CUX2: variants seen among roughly 807,000 people sequenced by gnomAD.
CUX2 encodes cut like homeobox 2.
CUX2 carries 40 observed loss-of-function variants against 144.8 expected under a neutral mutation model. The observed-to-expected ratio is 0.28, with a 90% CI of 0.21 to 0.36. CUX2 has a LOEUF of 0.36. CUX2 is among the 10% of genes least tolerant of loss of function. The probability of loss-of-function intolerance (pLI) is 1.00; values close to 1 mark genes in which losing one functional copy is unlikely to be tolerated. For missense variants in CUX2, 1,615 were observed against 1,994.0 expected (o/e 0.81, Z 3.62); for synonymous variants, 827 against 875.6 (o/e 0.94, Z 0.98).
chr12:111,307,091 G>T lies in CUX2; in HGVS notation c.1029G>T (p.Thr343=), dbSNP rs199929446. ...TCGCCGACCTGGAGCGGCAGCTCAC[G>T]GCCAAGTCCGAGGCCATAGAAGTGG... is the stretch of plus-strand genomic sequence containing the variant. ...NQIADLERQL[T]AKSEAIEKLE... is the part of the protein sequence containing the mutation. Residue 343 remains threonine, a synonymous_variant, in exon 11 of 22, where the codon ACG becomes ACT. Transcript: ENST00000261726. This position sits in a 1 kb window ranked among gnomAD's most constrained non-coding sequence, Gnocchi z 4.1. 1 of 1,612,796 alleles carries T rather than the reference G, an allele frequency of 6.2e-7. No individual in the cohort carries two copies. The highest frequency in any genetic ancestry group is 1.7e-5 in the Admixed American group (1 of 59,946).
intron 1 of CUX2, among the ~76,000 whole-genome samples, chr12:111,129,782 A>G (rs1875343611): frequency 6.6e-6 from 1 of 152,184 alleles, no homozygotes; most frequent in South Asian, 2.1e-4. Context: ...CTTTCCCACC[A>G]TAATAGCACT....
intron 15 of CUX2, 116 bp from the exon 16 acceptor site, chr12:111,311,984 C>A: frequency 2.7e-6 from 2 of 738,356 alleles, no homozygotes; most frequent in East Asian, 2.8e-5. Context: ...TGCCATCTCA[C>A]TGATGGTCTG....
chr12:111,241,802 C>T (rs913263963), intron 3 of CUX2, among the ~76,000 whole-genome samples: 1 of 152,392 alleles, frequency 6.6e-6, no homozygotes, highest in African/African-American at 2.4e-5. Flanking sequence ...CTGGGACCAC[C>T]CCTGACAGCG....
At chr12:111,221,822 GGGAGGGGGT>G (rs1881877228) in intron 3 of CUX2, among the ~76,000 whole-genome samples, 1 of 151,984 alleles carries the variant, frequency 6.6e-6, no homozygotes, top group Non-Finnish European at 1.5e-5. Context: ...GCGTGCCGGT[GGGAGGGGGT>G]GGAGAGGAAG....
At chr12:111,185,358 G>T (rs752702059) in intron 1 of CUX2, among the ~76,000 whole-genome samples, 29 of 152,200 alleles carry the variant, frequency 1.9e-4, no homozygotes, top group Non-Finnish European at 3.5e-4. Flanking sequence ...AGCAAGTACT[G>T]GCTCTGTTAT....
At position 111,171,831 on chromosome 12, in the gene CUX2, C is replaced by T. The variant is rs186729179; in HGVS notation, c.64-42369C>T. Among the ~76,000 whole-genome samples the T allele has an allele frequency of 1.8e-4, 27 of 152,336 alleles. No homozygotes were observed. The highest frequency in any genetic ancestry group is 2.6e-4 in the Non-Finnish European group (18 of 68,024). On this transcript the variant is annotated intron_variant, in intron 1 of 21. Coordinates refer to ENST00000261726, the MANE Select transcript of CUX2 (RefSeq NM_015267.4). The surrounding 1 kb of genome is among the most constrained non-coding windows in gnomAD (Gnocchi z 5.0). Reference sequence around the variant, plus strand: ...TGGGAAATTGGCCCTCTGTCTTCTCCCATCCAGATATGTGGGTCCTGGGCC... The same window carrying T: ...TGGGAAATTGGCCCTCTGTCTTCTCTCATCCAGATATGTGGGTCCTGGGCC...
chr12:111,245,484 T>A (rs1019298304), intron 3 of CUX2, among the ~76,000 whole-genome samples: 2 of 151,814 alleles, frequency 1.3e-5, no homozygotes, highest in African/African-American at 4.8e-5. Context: ...AAACCAGACA[T>A]GGTGGCACAC....
Position 111,306,995 on chromosome 12 carries a change from G to A in CUX2, c.933G>A (p.Leu311=), listed in dbSNP as rs753137780. The part of the protein sequence containing the change: ...AALASKDREI[L]RLLKDVQHLQ... ...TGGCCTCCAAGGACAGGGAGATCCTGCGGCTGCTGAAGGACGTGCAGCACC... is the reference window on the plus strand; with the variant it reads ...TGGCCTCCAAGGACAGGGAGATCCTACGGCTGCTGAAGGACGTGCAGCACC... Residue 311 remains leucine, a synonymous_variant, in exon 11 of 22, where the codon CTG becomes CTA. Transcript: ENST00000261726. 3.1e-6 allele frequency: 5 copies of A among 1,613,700 alleles called. No homozygotes were observed. Among genetic ancestry groups the A allele is most frequent in the Non-Finnish European group, 4.2e-6 (5 of 1,179,986 alleles).
chr12:111,042,935 C>T (rs1226613337), intron 1 of CUX2, among the ~76,000 whole-genome samples: 1 of 152,042 alleles, frequency 6.6e-6, no homozygotes, highest in East Asian at 1.9e-4. Flanking sequence ...CGTGCCCAGC[C>T]TGTTTTGAGG....
intron 1 of CUX2, among the ~76,000 whole-genome samples, chr12:111,173,685 G>T (rs918983897): frequency 1.3e-5 from 2 of 152,188 alleles, no homozygotes; most frequent in African/African-American, 4.8e-5. Flanking sequence ...TGTTTAAGCT[G>T]CAACTTGGCT....
At chr12:111,206,265 G>A (rs1285293995) in intron 1 of CUX2, among the ~76,000 whole-genome samples, 1 of 152,210 alleles carries the variant, frequency 6.6e-6, no homozygotes, top group African/African-American at 2.4e-5. Context: ...ATGGGAGGTT[G>A]AAGCTGCAGT....
chr12:111,347,784 C>A lies in CUX2; in HGVS notation c.3920C>A (p.Ala1307Asp), dbSNP rs1350015475. ...AAGCAGGAACAGATGGAGGAGGATG[C>A]TGAGGAAGAGGCAGGCAGCCAGCCC... ...RIKQEQMEED[A>D]EEEAGSQPQD... The change falls in exon 22 of 22, where the codon GCT (alanine) becomes GAT (aspartate). Residue 1307 changes from alanine to aspartate, a missense_variant. Physicochemically the swap from Ala to Asp is moderately radical, Grantham distance 126. Transcript: ENST00000261726. 3.1e-6 allele frequency: 5 copies of A among 1,613,448 alleles called. No individual in the cohort carries two copies. The highest frequency in any genetic ancestry group is 4.2e-6 in the Non-Finnish European group (5 of 1,179,870).
At chr12:111,257,367 C>T (rs1443180952) in intron 3 of CUX2, among the ~76,000 whole-genome samples, 31 of 96,328 alleles carry the variant, frequency 3.2e-4, no homozygotes, top group African/African-American at 1.2e-3. Context: ...TCCTCCTCCT[C>T]CTCCCACTTC....
rs188037381 is a variant in CUX2, at chr12:111,293,827, G to T, written c.560+258G>T. Among the ~76,000 whole-genome samples the T allele has an allele frequency of 1.2e-3, 181 of 151,822 alleles. No homozygotes were observed. The highest frequency in any genetic ancestry group is 4.3e-3 in the African/African-American group (179 of 41,548). ...TCCCTACCTGGGAAATGGGGCTAAG[G>T]GTGGTCCATTCCTCAGCATTCTCTA... On this transcript the variant is annotated intron_variant, in intron 6 of 21. Transcript: ENST00000261726. The surrounding 1 kb of genome is among the most constrained non-coding windows in gnomAD (Gnocchi z 4.5).
At chr12:111,297,754 G>A (rs1886084745) in intron 8 of CUX2, among the ~76,000 whole-genome samples, 1 of 152,186 alleles carries the variant, frequency 6.6e-6, no homozygotes, top group South Asian at 2.1e-4. Flanking sequence ...AAGGAGAGGA[G>A]ACAAAAACTG....
At chr12:111,075,156 G>A (rs896490674) in intron 1 of CUX2, among the ~76,000 whole-genome samples, 2 of 151,648 alleles carry the variant, frequency 1.3e-5, no homozygotes, top group African/African-American at 2.4e-5. Context: ...CCTGGCTCTG[G>A]AGGGCAGATC....
At chr12:111,217,817 C>A in intron 2 of CUX2, 73 bp from the exon 3 acceptor site, 1 of 1,484,428 alleles carries the variant, frequency 6.7e-7, no homozygotes, top group Non-Finnish European at 9.4e-7. Context: ...GGGACAGCAG[C>A]GAGCTACAAG....
intron 4 of CUX2, among the ~76,000 whole-genome samples, chr12:111,274,838 G>A (rs529053690): frequency 9.9e-5 from 15 of 152,034 alleles, no homozygotes; most frequent in African/African-American, 3.6e-4. Flanking sequence ...CAGCCTCTCG[G>A]ACAGCCTTTC....
At chr12:111,217,567 A>G (rs1182756764) in intron 2 of CUX2, among the ~76,000 whole-genome samples, 1 of 152,208 alleles carries the variant, frequency 6.6e-6, no homozygotes, top group African/African-American at 2.4e-5. Context: ...ATCTCACAAG[A>G]TATTTCGCAT....
Sources: allele counts gnomAD v4.1 joint callset (sites outside exome capture counted in the v4.1 genomes callset), GRCh38; gene constraint gnomAD v4.1.1; non-coding constraint Gnocchi (gnomAD v3.1); transcripts MANE v1.5; gene names NCBI Gene and HGNC (gene_info 2026-07-23, HGNC 2026-07-21).